The following BMS1 variants were observed in gnomAD, a reference collection of about 807,000 sequenced individuals.
BMS1 encodes BMS1 ribosome biogenesis factor.
In BMS1, 53 loss-of-function variants were observed where a neutral mutation model predicts 138.7. The observed-to-expected ratio is 0.38, with a 90% CI of 0.31 to 0.48. BMS1 has a LOEUF of 0.48. Among genes scored for constraint, BMS1 ranks in the 20% least tolerant of loss-of-function variants. BMS1 has a pLI of 0.97. For synonymous variants in BMS1, 504 were observed against 539.9 expected (o/e 0.93, Z 0.92); for missense variants, 1,360 against 1,565.5 (o/e 0.87, Z 2.22).
At chr10:42,792,857 T>C (rs1021558880) in intron 7 of BMS1, 100 bp from the exon 8 acceptor site, 1 of 1,403,760 alleles carries the variant, frequency 7.1e-7, no homozygotes, top group African/African-American at 1.4e-5. Flanking sequence ...GTGTTATGGG[T>C]TAAGCCCTTG....
chr10:42,811,500 A>T (rs1210270967), intron 13 of BMS1, among the ~76,000 whole-genome samples: 1 of 149,570 alleles, frequency 6.7e-6, no homozygotes, highest in African/African-American at 2.5e-5. Flanking sequence ...TACCCCACAA[A>T]TGTTCACGTG....
intron 21 of BMS1, among the ~76,000 whole-genome samples, chr10:42,827,942 G>A (rs1842697577): frequency 6.6e-6 from 1 of 152,232 alleles, no homozygotes; most frequent in African/African-American, 2.4e-5. Context: ...AAACATTAAT[G>A]TGCTAATTTC....
At chr10:42,791,526 C>G (rs560384536) in intron 5 of BMS1, 101 bp from the exon 6 acceptor site, 1 of 1,204,680 alleles carries the variant, frequency 8.3e-7, no homozygotes, top group East Asian at 2.7e-5. Context: ...TGCTGGAAGT[C>G]TCCCTTCTTA....
At chr10:42,820,487 C>T in intron 16 of BMS1, 21 bp from the exon 17 acceptor site, 1 of 1,611,430 alleles carries the variant, frequency 6.2e-7, no homozygotes. Context: ...CATCAATCAT[C>T]TTACCCTCTC....
At position 42,802,194 on chromosome 10, in the gene BMS1, GC is replaced by G; in HGVS notation, c.2306del (p.Ala769GlufsTer5). ...VTGKWEDDKD[A>X]AKVLAEDEEL... ...TGGAAAGTGGGAAGATGATAAAGAT[GC>G]AGCCAAGGTCTTAGCAGAAGATGGT... On this transcript the variant is annotated frameshift_variant, in exon 13 of 23. Transcript: ENST00000374518. LOFTEE classifies it high-confidence loss of function. 1 of 1,613,512 alleles carries G rather than the reference GC, an allele frequency of 6.2e-7. No individual in the cohort carries two copies. Among genetic ancestry groups the G allele is most frequent in the Non-Finnish European group, 8.5e-7 (1 of 1,179,690 alleles).
rs184265054 is a variant in BMS1, at chr10:42,789,432, C to T, written c.448-891C>T. 7.2e-4 allele frequency among the ~76,000 whole-genome samples: 110 copies of T among 152,170 alleles called. 1 individual carries two copies. The East Asian group carries it at 0.019, about 26-fold the overall frequency. ...CATTTTTTTTGTTATTTTTAGTTAT[C>T]TATGCAAAGATAAGAACAGAAATGT... On this transcript the variant is annotated intron_variant, in intron 4 of 22. Transcript: ENST00000374518.
chr10:42,792,337 C>T (rs943722857), intron 6 of BMS1, among the ~76,000 whole-genome samples, 156 bp from the exon 7 acceptor site: 1 of 152,198 alleles, frequency 6.6e-6, no homozygotes, highest in African/African-American at 2.4e-5. Flanking sequence ...CCCTTTTCCT[C>T]TGGTGGATGG....
intron 13 of BMS1, among the ~76,000 whole-genome samples, chr10:42,811,950 G>T (rs1365935286): frequency 2.0e-5 from 3 of 152,072 alleles, no homozygotes; most frequent in African/African-American, 7.2e-5. Context: ...TAGATTTCTA[G>T]CTTGATTATA....
chr10:42,827,548 C>T (rs1030719685), intron 21 of BMS1, among the ~76,000 whole-genome samples: 2 of 152,172 alleles, frequency 1.3e-5, no homozygotes, highest in African/African-American at 4.8e-5. Context: ...GGGGGTGGGG[C>T]ACAACGTCAG....
intron 12 of BMS1, among the ~76,000 whole-genome samples, chr10:42,800,287 G>C (rs150177034): frequency 6.6e-6 from 1 of 152,240 alleles, no homozygotes; most frequent in East Asian, 1.9e-4. Flanking sequence ...TGCTTCCCAG[G>C]TGATGGTGTT....
chr10:42,824,262 T>TG (rs1232693807), intron 21 of BMS1, among the ~76,000 whole-genome samples: 4 of 152,236 alleles, frequency 2.6e-5, no homozygotes, highest in Admixed American at 1.3e-4. Flanking sequence ...TCTGCTACTT[T>TG]GTATTGTTTT....
At chr10:42,785,775 A>G in intron 3 of BMS1, 103 bp downstream of exon 3, 1 of 1,287,828 alleles carries the variant, frequency 7.8e-7, no homozygotes. Context: ...AAATATTGTC[A>G]TATCATGGGA....
chr10:42,802,458 C>G (rs569174759), intron 13 of BMS1, among the ~76,000 whole-genome samples: 2 of 152,154 alleles, frequency 1.3e-5, no homozygotes, highest in African/African-American at 4.8e-5. Flanking sequence ...AAATTTTAAT[C>G]ATGTGTTTGT....
chr10:42,816,903 A>AT (rs1588747425), intron 14 of BMS1, among the ~76,000 whole-genome samples: 1 of 152,124 alleles, frequency 6.6e-6, no homozygotes, highest in East Asian at 1.9e-4. Flanking sequence ...GTCCACTGTG[A>AT]TTTTTCACTC....
At chr10:42,789,593 T>A (rs1187329384) in intron 4 of BMS1, among the ~76,000 whole-genome samples, 3 of 42,142 alleles carry the variant, frequency 7.1e-5, no homozygotes. Context: ...AATCTTACTG[T>A]TTTTTTTTTT....
chr10:42,789,032 C>T (rs962900326), intron 4 of BMS1, among the ~76,000 whole-genome samples: 3 of 152,184 alleles, frequency 2.0e-5, no homozygotes, highest in Admixed American at 2.0e-4. Flanking sequence ...GTTGACTGCT[C>T]TGCTGTGGGT....
At chr10:42,788,256 A>G (rs1047587999) in intron 4 of BMS1, among the ~76,000 whole-genome samples, 3 of 152,206 alleles carry the variant, frequency 2.0e-5, no homozygotes, top group African/African-American at 7.2e-5. Context: ...GAAATGATTG[A>G]AATAGTTCAT....
At chr10:42,811,547 C>G (rs1404478964) in intron 13 of BMS1, among the ~76,000 whole-genome samples, 1 of 78,512 alleles carries the variant, frequency 1.3e-5, no homozygotes, top group Non-Finnish European at 2.2e-5. Flanking sequence ...TTTTTTGAGA[C>G]GGAGTCTCGC....
chr10:42,791,242 G>A (rs537812005), intron 5 of BMS1, among the ~76,000 whole-genome samples: 6 of 152,314 alleles, frequency 3.9e-5, no homozygotes, highest in Non-Finnish European at 5.9e-5. Flanking sequence ...TGTACCTGCT[G>A]CACCAGGCAG....
Sources: allele counts gnomAD v4.1 joint callset (sites outside exome capture counted in the v4.1 genomes callset), GRCh38; gene constraint gnomAD v4.1.1; transcripts MANE v1.5; gene names NCBI Gene and HGNC (gene_info 2026-07-23, HGNC 2026-07-21).